Variants in PER3 observed in about 807,000 individuals in gnomAD.
PER3 encodes the protein period circadian regulator 3.
PER3 carries 107 observed loss-of-function variants against 127.2 expected under a neutral mutation model. The ratio of observed to expected loss-of-function variants is 0.84; its 90% CI spans 0.72 to 0.99. The LOEUF (loss-of-function observed/expected upper bound fraction) is 0.99, where lower values mean the gene tolerates loss of function less well. PER3 is among the 50% of genes least tolerant of loss of function. PER3 has a pLI of 0.00. For missense variants in PER3, 1,560 were observed against 1,525.8 expected (o/e 1.02, Z -0.37); for synonymous variants, 618 against 585.8 (o/e 1.05, Z -0.79).
chr1:7,800,585 T>G (rs1283486850), intron 7 of PER3, among the ~76,000 whole-genome samples: 2 of 152,070 alleles, frequency 1.3e-5, no homozygotes, highest in African/African-American at 2.4e-5. Flanking sequence ...CTAAATAACA[T>G]TTGTAGTATT....
intron 10 of PER3, among the ~76,000 whole-genome samples, chr1:7,806,716 T>G (rs2150770164): frequency 6.7e-6 from 1 of 148,648 alleles, no homozygotes; most frequent in East Asian, 2.0e-4. Context: ...GTTGCTTGAG[T>G]CCAGGTGTTC....
intron 21 of PER3, among the ~76,000 whole-genome samples, chr1:7,837,416 G>A (rs1327829901): frequency 6.6e-6 from 1 of 152,158 alleles, no homozygotes; most frequent in Admixed American, 6.5e-5. Flanking sequence ...CAGTTGGAAT[G>A]TTAGGGTACG....
chr1:7,843,916 T>C lies in PER3; in HGVS notation c.*1161T>C. 1 of 1,278,894 alleles carries C rather than the reference T, an allele frequency of 7.8e-7. No individual in the cohort carries two copies. Among genetic ancestry groups the C allele is most frequent in the Non-Finnish European group, 1.0e-6 (1 of 980,416 alleles). 79.2% of individuals were successfully genotyped at this position (1,278,894 alleles called of 1,614,324 possible). On this transcript the variant is annotated 3_prime_UTR_variant, in exon 22 of 22. Transcript: ENST00000377532. ...CTTTTTAGAGAAGTCCCTGATTCCTTCTTAAACTTGGAATGATAGATGAAA... is the reference window on the plus strand; with the variant it reads ...CTTTTTAGAGAAGTCCCTGATTCCTCCTTAAACTTGGAATGATAGATGAAA...
chr1:7,831,471 C>A (rs2097331383), intron 19 of PER3, among the ~76,000 whole-genome samples: 1 of 152,006 alleles, frequency 6.6e-6, no homozygotes, highest in Non-Finnish European at 1.5e-5. Context: ...TGGCTAGGAC[C>A]CACAGTGAAG....
In PER3 at chr1:7,785,566, G is replaced by A. The variant is rs1386001850; in HGVS notation, c.254G>A (p.Arg85His). 6.2e-7 allele frequency: 1 copy of A among 1,613,538 alleles called. No homozygotes were observed. The highest frequency in any genetic ancestry group is 8.5e-7 in the Non-Finnish European group (1 of 1,179,686). Reference sequence around the variant, plus strand: ...CTAGATGCCCTCAACTATGCTCTCCGCTGTGTCCACAGCGTTCAAGGTAAA... The same window carrying A: ...CTAGATGCCCTCAACTATGCTCTCCACTGTGTCCACAGCGTTCAAGGTAAA... Reference protein sequence around the residue: ...STLDALNYALRCVHSVQANSE... With the variant: ...STLDALNYALHCVHSVQANSE... Residue 85 changes from arginine to histidine, a missense_variant, in exon 3 of 22, where the codon CGC (arginine) becomes CAC (histidine). Around this residue, in one of 3 missense-constraint regions of PER3, gnomAD observed 1,332 missense variants for 1,223.6 expected, o/e 1.09. Transcript: ENST00000377532.
Position 7,815,991 on chromosome 1 carries a change from C to CAAAAAAAAAAA in PER3, c.1523-3278_1523-3268dup, listed in dbSNP as rs34144861. On this transcript the variant is annotated intron_variant, in intron 13 of 21. Coordinates refer to ENST00000377532, the MANE Select transcript of PER3 (RefSeq NM_001377275.1). ...CTGGGCGACAGAGCGGACTCCGTCT[C>CAAAAAAAAAAA]AAAAAAAAAAAAAAAAAAAAAAAAA... Among the ~76,000 whole-genome samples the CAAAAAAAAAAA allele has an allele frequency of 1.3e-4, 9 of 67,660 alleles. No individual in the cohort carries two copies. In the East Asian group the frequency reaches 3.1e-3, roughly 23 times the overall value. The allele number at this position is 67,660 out of a possible 152,430, so 44.4% of individuals were successfully genotyped here. A position where few individuals can be genotyped will look rare whatever the true frequency, so the allele number is the denominator to read the frequency against.
chr1:7,827,897 C>CT, intron 18 of PER3, 82 bp downstream of exon 18: 1 of 1,059,368 alleles, frequency 9.4e-7, no homozygotes, highest in Non-Finnish European at 1.4e-6. Context: ...GGACTCAGTG[C>CT]TGACATTCTC....
At chr1:7,841,355 T>G (rs1317920572) in intron 21 of PER3, among the ~76,000 whole-genome samples, 1 of 151,906 alleles carries the variant, frequency 6.6e-6, no homozygotes, top group Non-Finnish European at 1.5e-5. Flanking sequence ...GGAAACCAGA[T>G]TCTCCCCTTT....
At position 7,808,094 on chromosome 1, in the gene PER3, G is replaced by A. The variant is rs1055813868; in HGVS notation, c.1137-799G>A. ...CTAAAAATACAAAAATTAGCCAGGC[G>A]TGGTGGCGTGCACCTGTAATCCCAG... On this transcript the variant is annotated intron_variant, in intron 10 of 21. Coordinates refer to ENST00000377532, the MANE Select transcript of PER3 (RefSeq NM_001377275.1). Among the ~76,000 whole-genome samples, 9 of 152,110 alleles carry A rather than the reference G, an allele frequency of 5.9e-5. 1 individual carries two copies. The highest frequency in any genetic ancestry group is 4.2e-4 in the South Asian group (2 of 4,808).
At chr1:7,812,649 ATT>A (rs1468323216) in intron 13 of PER3, among the ~76,000 whole-genome samples, 1 of 146,768 alleles carries the variant, frequency 6.8e-6, no homozygotes, top group African/African-American at 2.5e-5. Context: ...AAAAAAAAAA[ATT>A]GAAGCTGCAG....
intron 13 of PER3, among the ~76,000 whole-genome samples, chr1:7,813,587 A>G (rs1484556473): frequency 1.3e-5 from 2 of 152,210 alleles, no homozygotes; most frequent in Admixed American, 1.3e-4. Flanking sequence ...GATACTGAGA[A>G]AAAACAAAAA....
At position 7,845,143 on chromosome 1, in the gene PER3, A is replaced by G. The variant is rs1449932054; in HGVS notation, c.*2388A>G. ...TTCAGTTGGGTATCTTTTTAAGTAA[A>G]AACAACAAATAAACTCTGTACATGT... On this transcript the variant is annotated 3_prime_UTR_variant, in exon 22 of 22. Coordinates refer to ENST00000377532, the MANE Select transcript of PER3 (RefSeq NM_001377275.1). 2 of 152,334 alleles carry G rather than the reference A, an allele frequency of 1.3e-5. No homozygotes were observed. The highest frequency in any genetic ancestry group is 4.8e-5 in the African/African-American group (2 of 41,450). The allele number at this position is 152,334 out of a possible 1,614,324, so 9.4% of individuals were successfully genotyped here.
intron 21 of PER3, among the ~76,000 whole-genome samples, chr1:7,837,569 G>T (rs1262219540): frequency 2.6e-5 from 4 of 152,218 alleles, no homozygotes; most frequent in Non-Finnish European, 5.9e-5. Context: ...TTCATACTAA[G>T]CAGAAACTTT....
intron 7 of PER3, among the ~76,000 whole-genome samples, chr1:7,799,844 T>C (rs2097162534): frequency 1.3e-5 from 2 of 151,388 alleles, no homozygotes; most frequent in South Asian, 2.1e-4. Flanking sequence ...TCATGGCTCA[T>C]TGCAGCCTCA....
In PER3 at chr1:7,842,746, C is replaced by CAGCT. The variant is rs755516707; in HGVS notation, c.3625_3628dup (p.Cys1210Ter). Reference sequence around the variant, plus strand: ...CCTGTGGTCAGGTTCTGGTAGAAGACAGCTGTTGAGTGACTGTGAGGATGA... The same window carrying CAGCT: ...CCTGTGGTCAGGTTCTGGTAGAAGACAGCTAGCTGTTGAGTGACTGTGAGGATGA... On this transcript the variant is annotated frameshift_variant, in exon 22 of 22. Coordinates refer to ENST00000377532, the MANE Select transcript of PER3 (RefSeq NM_001377275.1). LOFTEE classifies it high-confidence loss of function. The CAGCT allele has an allele frequency of 6.2e-7, 1 of 1,612,854 alleles. No homozygotes were observed.
intron 19 of PER3, among the ~76,000 whole-genome samples, chr1:7,834,321 C>T (rs2097347239): frequency 6.6e-6 from 1 of 152,210 alleles, no homozygotes; most frequent in Admixed American, 6.5e-5. Flanking sequence ...AGACGGAGTA[C>T]TTCCATGTCC....
chr1:7,789,113 T>C (rs919860847), intron 5 of PER3, among the ~76,000 whole-genome samples: 2 of 147,104 alleles, frequency 1.4e-5, no homozygotes, highest in Non-Finnish European at 3.0e-5. Flanking sequence ...TTATATTCTT[T>C]GTGAAGTGTC....
chr1:7,788,812 G>A (rs764408344), intron 5 of PER3, among the ~76,000 whole-genome samples: 3 of 151,642 alleles, frequency 2.0e-5, no homozygotes, highest in African/African-American at 7.3e-5. Flanking sequence ...GTTGAGGCAC[G>A]AGAAGCACTT....
Position 7,820,539 on chromosome 1 carries a change from G to C in PER3, c.1856G>C (p.Gly619Ala). 1 of 1,613,996 alleles carries C rather than the reference G, an allele frequency of 6.2e-7. No homozygotes were observed. The change falls in exon 16 of 22, where the codon GGA becomes GCA. Residue 619 changes from glycine (G) to alanine (A), a missense_variant. Around this residue, in one of 3 missense-constraint regions of PER3, gnomAD observed 1,332 missense variants for 1,223.6 expected, o/e 1.09. Transcript: ENST00000377532. The stretch of plus-strand genomic sequence containing the variant: ...GGACGGTCCATAGACACAGGAGGAG[G>C]AGCTCCACAGATCCTGTCCACGGCG... ...TNGRSIDTGG[G>A]APQILSTAML...
Sources: gnomAD v4.1 joint callset for allele counts (sites outside exome capture counted in the v4.1 genomes callset) on GRCh38, gnomAD v4.1.1 for gene constraint, gnomAD v4.1.1 regional missense constraint, MANE v1.5 for transcripts, NCBI Gene and HGNC (gene_info 2026-07-23, HGNC 2026-07-21) for gene names.